PPFIBP2: variants seen among roughly 807,000 people sequenced by gnomAD.
PPFIBP2 encodes the protein liprin-beta-2.
PPFIBP2 carries 118 observed loss-of-function variants against 118.3 expected under a neutral mutation model. The ratio of observed to expected loss-of-function variants is 1.00; its 90% CI spans 0.86 to 1.16. The LOEUF is 1.16. Ranked by LOEUF, PPFIBP2 falls within the 50% of genes most tolerant of loss-of-function variation. PPFIBP2 has a pLI of 0.00. For missense variants in PPFIBP2, 1,195 were observed against 1,073.1 expected, an observed-to-expected ratio of 1.11 and a Z score of -1.59; for synonymous variants, 414 against 397.4, an observed-to-expected ratio of 1.04 and a Z score of -0.50.
rs540291160 is a variant in PPFIBP2, at chr11:7,535,887, A to G, written c.-36-13553A>G. Among the ~76,000 whole-genome samples, 5 of 152,228 alleles carry G rather than the reference A, an allele frequency of 3.3e-5. No homozygotes were observed. In the South Asian group the frequency reaches 6.2e-4, roughly 19 times the overall value. Reference sequence around the variant, plus strand: ...CTGGTGGCTCACACGGGAGGGGAGTAGGGTGGGGAAGCATGACAGGTGAAT... The same window carrying G: ...CTGGTGGCTCACACGGGAGGGGAGTGGGGTGGGGAAGCATGACAGGTGAAT... On this transcript the variant is annotated intron_variant, in intron 1 of 23. Coordinates refer to ENST00000299492, the MANE Select transcript of PPFIBP2 (RefSeq NM_003621.5).
chr11:7,517,448 G>A (rs1849321610), intron 1 of PPFIBP2, among the ~76,000 whole-genome samples: 1 of 152,218 alleles, frequency 6.6e-6, no homozygotes, highest in African/African-American at 2.4e-5. Context: ...TGGAGGAGCA[G>A]AAGAAAGCTA....
At chr11:7,638,136 A>T (rs752394639) in intron 14 of PPFIBP2, among the ~76,000 whole-genome samples, 4 of 152,188 alleles carry the variant, frequency 2.6e-5, no homozygotes, top group Admixed American at 6.5e-5. Context: ...AGATAATCTG[A>T]GATCCTTGTT....
At position 7,549,496 on chromosome 11, in the gene PPFIBP2, T is replaced by G. The variant is rs1216117324; in HGVS notation, c.21T>G (p.His7Gln). MASDAS[H>Q]ALEAALEQMD... ...GAGTCATGGCTTCTGATGCTAGTCA[T>G]GCGCTGGAAGCTGCCCTGGAGCAAA... is the stretch of plus-strand genomic sequence containing the variant. Residue 7 changes from histidine (H) to glutamine (Q), a missense_variant, in exon 2 of 24, where the codon CAT becomes CAG. Coordinates refer to ENST00000299492, the MANE Select transcript of PPFIBP2 (RefSeq NM_003621.5). 1 of 1,563,100 alleles carries G rather than the reference T, an allele frequency of 6.4e-7. No homozygotes were observed. Among genetic ancestry groups the G allele is most frequent in the South Asian group, 1.2e-5 (1 of 84,526 alleles).
chr11:7,579,577 G>A (rs4758199), intron 3 of PPFIBP2, among the ~76,000 whole-genome samples: 92,346 of 152,042 alleles, frequency 0.61, 28,901 homozygotes, highest in African/African-American at 0.77. Context: ...ACATGTGCCT[G>A]GGATTGTCAG....
At chr11:7,581,269 T>C (rs1301088321) in intron 3 of PPFIBP2, among the ~76,000 whole-genome samples, 1 of 152,212 alleles carries the variant, frequency 6.6e-6, no homozygotes, top group East Asian at 1.9e-4. Flanking sequence ...CCTCTAAAAA[T>C]AGCTCCGAGC....
chr11:7,647,294 A>T (rs1853240470), intron 17 of PPFIBP2, among the ~76,000 whole-genome samples: 1 of 152,202 alleles, frequency 6.6e-6, no homozygotes, highest in Non-Finnish European at 1.5e-5. Flanking sequence ...ATCCCCCCTA[A>T]AAAAATGACT....
chr11:7,562,195 TA>T (rs1195832103), intron 2 of PPFIBP2, among the ~76,000 whole-genome samples: 1 of 152,220 alleles, frequency 6.6e-6, no homozygotes, highest in Non-Finnish European at 1.5e-5. Flanking sequence ...GCCCAGTTCC[TA>T]ACAGGCCATG....
At chr11:7,635,417 C>T (rs937841363) in intron 13 of PPFIBP2, 135 bp from the exon 14 acceptor site, 15 of 814,856 alleles carry the variant, frequency 1.8e-5, no homozygotes, top group Non-Finnish European at 3.1e-5. Flanking sequence ...ATGGTGATTA[C>T]TTGACATGAA....
chr11:7,666,066 G>C, the PPFIBP2 span: 1 of 696,912 alleles, frequency 1.4e-6, no homozygotes, highest in Admixed American at 2.2e-5. Flanking sequence ...ATGTCCAGGT[G>C]AGGTGGGCGG....
intron 15 of PPFIBP2, chr11:7,641,063 T>G (rs1290881990): frequency 1.6e-6 from 2 of 1,276,550 alleles, no homozygotes; most frequent in Admixed American, 4.6e-5. Context: ...GCCCCCGTAT[T>G]AGGTACTGTA....
intron 6 of PPFIBP2, among the ~76,000 whole-genome samples, chr11:7,614,001 A>T (rs575591248): frequency 2.6e-4 from 39 of 152,302 alleles, no homozygotes; most frequent in African/African-American, 9.4e-4. Context: ...TGTGGTTAGG[A>T]CCCTGGGAGA....
intron 4 of PPFIBP2, among the ~76,000 whole-genome samples, chr11:7,595,468 C>T (rs1860112704): frequency 6.6e-6 from 1 of 152,200 alleles, no homozygotes; most frequent in African/African-American, 2.4e-5. Flanking sequence ...TGTAATAATG[C>T]TCCCTTTCAC....
chr11:7,598,297 A>G, intron 5 of PPFIBP2: 1 of 299,536 alleles, frequency 3.3e-6, no homozygotes, highest in Non-Finnish European at 6.6e-6. Flanking sequence ...TATTTTTCCC[A>G]TTTAAAATTT....
chr11:7,518,872 G>A (rs556060444), intron 1 of PPFIBP2, among the ~76,000 whole-genome samples: 42 of 152,350 alleles, frequency 2.8e-4, no homozygotes, highest in Non-Finnish European at 4.6e-4. Context: ...GCTCGAGCGA[G>A]TATGGGCGGG....
the PPFIBP2 span, chr11:7,665,298 G>C: frequency 7.9e-7 from 1 of 1,273,076 alleles, no homozygotes. Context: ...AAACATCCCA[G>C]TTTACCGTGG....
intron 6 of PPFIBP2, 101 bp downstream of exon 6, chr11:7,610,523 G>A (rs773301620): frequency 1.7e-5 from 25 of 1,488,120 alleles, no homozygotes; most frequent in Non-Finnish European, 2.2e-5. Context: ...GCTATTGGGT[G>A]CCAGAAATAT....
At chr11:7,593,283 C>A in intron 4 of PPFIBP2, 59 bp downstream of exon 4, 1 of 1,580,422 alleles carries the variant, frequency 6.3e-7, no homozygotes, top group South Asian at 1.2e-5. Context: ...GTAGCTTCCC[C>A]TAAGTGGAAG....
intron 2 of PPFIBP2, among the ~76,000 whole-genome samples, chr11:7,555,598 C>T (rs996387444): frequency 3.3e-5 from 5 of 152,120 alleles, no homozygotes; most frequent in African/African-American, 1.2e-4. Flanking sequence ...GTTGTGAGAG[C>T]CCTGCTAGGA....
rs776588114 is a variant in PPFIBP2, at chr11:7,648,840, T to C, written c.1838T>C (p.Val613Ala). 20 of 1,614,030 alleles carry C rather than the reference T, an allele frequency of 1.2e-5. No individual in the cohort carries two copies. In the African/African-American group the frequency reaches 2.3e-4, roughly 18 times the overall value. ...CACCCACTCCACAGGAAGAAGCTTG[T>C]TTTAGCAGTGAAAGCCATCAACACC... ...IKHPLHRKKL[V>A]LAVKAINTKQ... Residue 613 changes from valine (V) to alanine (A), a missense_variant, in exon 19 of 24, where the codon GTT becomes GCT. Physicochemically the swap from Val to Ala is moderately conservative, Grantham distance 64. Coordinates refer to ENST00000299492, the MANE Select transcript of PPFIBP2 (RefSeq NM_003621.5).
Sources: allele counts gnomAD v4.1 joint callset (sites outside exome capture counted in the v4.1 genomes callset), GRCh38; gene constraint gnomAD v4.1.1; transcripts MANE v1.5; gene names NCBI Gene and HGNC (gene_info 2026-07-23, HGNC 2026-07-21).